CPZ: variants seen among roughly 807,000 people sequenced by gnomAD.
CPZ encodes the protein carboxypeptidase Z.
Under a neutral mutation model 61.8 loss-of-function variants are expected in CPZ, and 103 were observed. The observed-to-expected ratio is 1.67, with a 90% CI of 1.42 to 1.96. CPZ has a LOEUF of 1.96. Among genes scored for constraint, CPZ ranks in the 30% most tolerant of loss-of-function variants. CPZ has a pLI of 0.00. For missense variants in CPZ, 1,461 were observed against 914.9 expected (o/e 1.60, Z -7.70); for synonymous variants, 551 against 373.7 (o/e 1.47, Z -5.47).
At chr4:8,605,355 CATTCAGCCATTACA>C (rs1325043572) in intron 4 of CPZ, among the ~76,000 whole-genome samples, 2 of 113,636 alleles carry the variant, frequency 1.8e-5, no homozygotes, top group African/African-American at 4.5e-5. Context: ...TCCATTTATT[CATTCAGCCATTACA>C]CATCCATCCA....
intron 7 of CPZ, among the ~76,000 whole-genome samples, chr4:8,608,863 C>T (rs1022471930): frequency 2.0e-5 from 3 of 152,162 alleles, no homozygotes; most frequent in Non-Finnish European, 4.4e-5. Context: ...TGCAGGGGCC[C>T]ATGCCGAGTG....
intron 10 of CPZ, 65 bp downstream of exon 10, chr4:8,618,593 C>G: frequency 2.2e-6 from 3 of 1,393,480 alleles, no homozygotes; most frequent in South Asian, 2.4e-5. Flanking sequence ...ACCGTGGCAG[C>G]CGGCACCCTC....
intron 9 of CPZ, among the ~76,000 whole-genome samples, chr4:8,615,613 A>G (rs1716097755): frequency 6.6e-6 from 1 of 152,116 alleles, no homozygotes; most frequent in African/African-American, 2.4e-5. Context: ...GTCCCATTTT[A>G]TAGATGGAGT....
intron 8 of CPZ, 50 bp downstream of exon 8, chr4:8,612,212 C>CGGGGGGG: frequency 1.5e-4 from 10 of 64,630 alleles, no homozygotes; most frequent in Admixed American, 2.5e-4. Flanking sequence ...GGTGCAGGGG[C>CGGGGGGG]TGGGTGGGGC....
chr4:8,594,109 C>A (rs1713998197), intron 1 of CPZ, among the ~76,000 whole-genome samples: 2 of 152,218 alleles, frequency 1.3e-5, no homozygotes, highest in Non-Finnish European at 2.9e-5. Context: ...TGTCCTCACC[C>A]AGCAGGATGC....
chr4:8,593,729 G>T (rs1422836805), intron 1 of CPZ, among the ~76,000 whole-genome samples: 1 of 152,210 alleles, frequency 6.6e-6, no homozygotes, highest in East Asian at 1.9e-4. Context: ...GTGGATACCT[G>T]AGAACTGCCT....
At chr4:8,597,481 G>C (rs902438061) in intron 1 of CPZ, 2 of 152,280 alleles carry the variant, frequency 1.3e-5, no homozygotes, top group African/African-American at 4.8e-5. Context: ...GGGTGCCAGG[G>C]AGGGTGTCTG....
intron 1 of CPZ, chr4:8,597,739 C>A (rs1053082902): frequency 1.3e-5 from 2 of 152,266 alleles, no homozygotes; most frequent in African/African-American, 2.4e-5. Context: ...CTGAAACCAT[C>A]GCAGGAATGA....
intron 8 of CPZ, among the ~76,000 whole-genome samples, chr4:8,613,267 G>A (rs1313433130): frequency 6.6e-6 from 1 of 152,080 alleles, no homozygotes; most frequent in African/African-American, 2.4e-5. Context: ...GAGTAGCTGG[G>A]ATTACAGGCG....
rs150616112 is a variant in CPZ, at chr4:8,601,394, C to T, written c.393C>T (p.Pro131=). The T allele has an allele frequency of 2.3e-4, 359 of 1,591,630 alleles. No homozygotes were observed. The highest frequency in any genetic ancestry group is 4.4e-4 in the African/African-American group (33 of 74,534). ...ICEGLREVCQ[P]AFDAIDMAWP... ...AGGGCCTGCGGGAGGTCTGCCAGCC[C>T]GCCTTCGACGCCATTGACATGGCCT... The change falls in exon 3 of 11, where the codon CCC becomes CCT. Residue 131 remains proline, a synonymous_variant. Coordinates refer to ENST00000360986, the MANE Select transcript of CPZ (RefSeq NM_001014447.3).
intron 4 of CPZ, among the ~76,000 whole-genome samples, chr4:8,605,593 A>C (rs1334552491): frequency 1.0e-5 from 1 of 100,020 alleles, no homozygotes; most frequent in Non-Finnish European, 1.9e-5. Context: ...CCAGCCAGCC[A>C]TTATTCATCC....
intron 7 of CPZ, chr4:8,611,055 CTCACTCACTCAT>C (rs1273681846): frequency 4.3e-5 from 16 of 375,306 alleles, no homozygotes; most frequent in Admixed American, 2.6e-4. Flanking sequence ...CACGCATTCG[CTCACTCACTCAT>C]TCACTCATTC....
chr4:8,617,144 G>C (rs1716243428), intron 9 of CPZ, among the ~76,000 whole-genome samples: 1 of 152,258 alleles, frequency 6.6e-6, no homozygotes, highest in African/African-American at 2.4e-5. Context: ...GCGTGTGTCA[G>C]GCCAGTCGGT....
At position 8,619,308 on chromosome 4, in the gene CPZ, T is replaced by C; in HGVS notation, c.1650T>C (p.Ile550=). 1 of 1,613,910 alleles carries C rather than the reference T, an allele frequency of 6.2e-7. No individual in the cohort carries two copies. Among genetic ancestry groups the C allele is most frequent in the Non-Finnish European group, 8.5e-7 (1 of 1,179,918 alleles). ...GACTGCTGCCCCCAGGTATCCACAT[T>C]GTCATTGCCCAAGCCCCTGGCTACG... The part of the protein sequence containing the change: ...YWRLLPPGIH[I]VIAQAPGYAK... The change falls in exon 11 of 11, where the codon ATT becomes ATC. Residue 550 remains isoleucine, a synonymous_variant. Transcript: ENST00000360986.
chr4:8,607,502 C>T, intron 7 of CPZ, 77 bp downstream of exon 7: 1 of 1,520,546 alleles, frequency 6.6e-7, no homozygotes. Flanking sequence ...CCCTCCAGTC[C>T]TGAGCTCAGT....
intron 8 of CPZ, among the ~76,000 whole-genome samples, chr4:8,612,416 C>T (rs896465989): frequency 5.3e-5 from 8 of 152,180 alleles, no homozygotes; most frequent in African/African-American, 1.7e-4. Flanking sequence ...ACTCAAATGT[C>T]ACGGTTTCAC....
chr4:8,609,159 C>G (rs1486162911), intron 7 of CPZ, among the ~76,000 whole-genome samples: 15 of 66,854 alleles, frequency 2.2e-4, no homozygotes, highest in African/African-American at 5.0e-4. Context: ...CACTCCCTCA[C>G]TCATTCACTC....
chr4:8,601,412 C>G lies in CPZ; in HGVS notation c.411C>G (p.Asp137Glu). Residue 137 changes from aspartate to glutamate, a missense_variant, in exon 3 of 11, where the codon GAC becomes GAG. Transcript: ENST00000360986. The stretch of plus-strand genomic sequence containing the variant: ...GCCAGCCCGCCTTCGACGCCATTGA[C>G]ATGGCCTGGCCCTACTTCCTTGACT... ...EVCQPAFDAI[D>E]MAWPYFLDCH... is the part of the protein sequence containing the mutation. 2.5e-6 allele frequency: 4 copies of G among 1,583,392 alleles called. No homozygotes were observed. The highest frequency in any genetic ancestry group is 3.4e-6 in the Non-Finnish European group (4 of 1,164,216).
At chr4:8,610,159 C>G (rs939731631) in intron 7 of CPZ, among the ~76,000 whole-genome samples, 15 of 152,214 alleles carry the variant, frequency 9.9e-5, no homozygotes, top group Admixed American at 8.5e-4. Flanking sequence ...TCCCACGGTC[C>G]TCAGCCTGTG....
Sources: allele counts gnomAD v4.1 joint callset (sites outside exome capture counted in the v4.1 genomes callset), GRCh38; gene constraint gnomAD v4.1.1; transcripts MANE v1.5; gene names NCBI Gene and HGNC (gene_info 2026-07-23, HGNC 2026-07-21).